C11orf65: variants seen among roughly 807,000 people sequenced by gnomAD.
C11orf65 encodes protein MFI.
In C11orf65, 38 loss-of-function variants were observed where a neutral mutation model predicts 35.3. That is an observed-to-expected ratio of 1.08 (90% CI 0.83 to 1.41). The LOEUF (loss-of-function observed/expected upper bound fraction) is 1.41, where lower values mean the gene tolerates loss of function less well. C11orf65 is among the 40% of genes most tolerant of loss of function. The probability of loss-of-function intolerance (pLI) is 0.00; values close to 1 mark genes in which losing one functional copy is unlikely to be tolerated. For missense variants in C11orf65, 370 were observed against 367.1 expected (o/e 1.01, Z -0.06); for synonymous variants, 105 against 114.4 (o/e 0.92, Z 0.53).
At chr11:108,347,506 A>G (rs965018949) in intron 2 of C11orf65, 25 of 702,926 alleles carry the variant, frequency 3.6e-5, no homozygotes, top group African/African-American at 2.9e-4. Flanking sequence ...TTTTCAGCAT[A>G]AACAGTTGTC....
At chr11:108,354,058 TACACACACACAA>T (rs1434149436) in intron 2 of C11orf65, among the ~76,000 whole-genome samples, 84 of 67,052 alleles carry the variant, frequency 1.3e-3, no homozygotes, top group Middle Eastern at 9.8e-3. Context: ...TCTAAAAAAA[TACACACACACAA>T]ACACACACAC....
At chr11:108,419,109 A>G (rs1464209257) in intron 3 of C11orf65, among the ~76,000 whole-genome samples, 1 of 152,216 alleles carries the variant, frequency 6.6e-6, no homozygotes, top group Non-Finnish European at 1.5e-5. Flanking sequence ...AAATAAACAG[A>G]GTAGAAACAT....
rs2091895940 is a variant in C11orf65 at position 108,382,969 on chromosome 11, C to G, written c.*52G>C. On this transcript the variant is annotated 3_prime_UTR_variant, in exon 9 of 9. Coordinates refer to ENST00000393084, the MANE Select transcript of C11orf65 (RefSeq NM_152587.5). ...AGAATACACTATCTCTTGGCTATAACTGATGGATGGAAGGCTCAAAGGGCT... is the reference window on the plus strand; with the variant it reads ...AGAATACACTATCTCTTGGCTATAAGTGATGGATGGAAGGCTCAAAGGGCT... The G allele has an allele frequency of 1.9e-6, 3 of 1,602,186 alleles. No individual in the cohort carries two copies. The highest frequency in any genetic ancestry group is 2.3e-5 in the South Asian group (2 of 88,500).
chr11:108,331,792 A>AT, intron 3 of C11orf65: 1 of 1,480,070 alleles, frequency 6.8e-7, no homozygotes, highest in Non-Finnish European at 9.3e-7. Context: ...CTAGACAGTA[A>AT]TACACATTTT....
intron 7 of C11orf65, among the ~76,000 whole-genome samples, chr11:108,389,887 G>A (rs1269506795): frequency 6.6e-6 from 1 of 151,794 alleles, no homozygotes; most frequent in Non-Finnish European, 1.5e-5. Flanking sequence ...GTAGAGATGG[G>A]GTTTCACTGT....
chr11:108,346,158 CTTCT>C (rs2088362234), intron 2 of C11orf65, among the ~76,000 whole-genome samples: 1 of 151,990 alleles, frequency 6.6e-6, no homozygotes, highest in Admixed American at 6.6e-5. Context: ...ACAGGGTTTT[CTTCT>C]TTGTTTTATA....
rs764506673 is a variant in C11orf65 at position 108,325,294 on chromosome 11, A to G, written c.641-16223T>C. Reference sequence around the variant, plus strand: ...CATTTCTCTTGCTTACATGAACTCTATGTCGTGGCATTCAGATCAGTCACA... The same window carrying G: ...CATTTCTCTTGCTTACATGAACTCTGTGTCGTGGCATTCAGATCAGTCACA... On this transcript the variant is annotated intron_variant, in intron 6 of 6. Transcript: ENST00000525729. 2.3e-5 allele frequency: 28 copies of G among 1,200,542 alleles called. No individual in the cohort carries two copies. The highest frequency in any genetic ancestry group is 2.3e-4 in the Admixed American group (12 of 52,446). 74.4% of individuals were successfully genotyped at this position (1,200,542 alleles called of 1,614,324 possible).
chr11:108,408,731 A>T (rs1027974999), intron 3 of C11orf65, among the ~76,000 whole-genome samples: 5 of 38,334 alleles, frequency 1.3e-4, no homozygotes, highest in Non-Finnish European at 2.4e-4. Context: ...AATAAAATAA[A>T]ATGATATAAG....
chr11:108,396,055 T>C (rs2092302370), intron 6 of C11orf65, among the ~76,000 whole-genome samples: 1 of 152,164 alleles, frequency 6.6e-6, no homozygotes, highest in African/African-American at 2.4e-5. Context: ...AGTGAGAAGA[T>C]ACATCCTTGC....
intron 2 of C11orf65, among the ~76,000 whole-genome samples, chr11:108,357,360 G>C (rs1438868098): frequency 6.6e-6 from 1 of 152,174 alleles, no homozygotes; most frequent in African/African-American, 2.4e-5. Flanking sequence ...TGGCAGCGAG[G>C]CTGGGGGAGG....
At chr11:108,459,769 A>C (rs1055617769) in intron 2 of C11orf65, among the ~76,000 whole-genome samples, 8 of 137,650 alleles carry the variant, frequency 5.8e-5, no homozygotes, top group African/African-American at 1.9e-4. Context: ...ACACACACAC[A>C]CCTCTTTATT....
chr11:108,384,595 G>A (rs1338754444), intron 8 of C11orf65, among the ~76,000 whole-genome samples: 2 of 152,020 alleles, frequency 1.3e-5, no homozygotes, highest in Non-Finnish European at 1.5e-5. Flanking sequence ...GCAACATGGC[G>A]AAATCCCATC....
downstream of C11orf65, among the ~76,000 whole-genome samples, chr11:108,330,878 C>T (rs2086174390): frequency 6.6e-6 from 1 of 152,144 alleles, no homozygotes; most frequent in Admixed American, 6.5e-5. Context: ...AATGTCAAGA[C>T]AGCAGTATTG....
chr11:108,438,698 AGATAAACT>A (rs2093104662), intron 2 of C11orf65, among the ~76,000 whole-genome samples: 1 of 152,078 alleles, frequency 6.6e-6, no homozygotes, highest in African/African-American at 2.4e-5. Flanking sequence ...ATGAACAAAA[AGATAAACT>A]GGACTACATA....
chr11:108,397,854 T>C (rs952086004), intron 6 of C11orf65, among the ~76,000 whole-genome samples: 11 of 152,206 alleles, frequency 7.2e-5, no homozygotes, highest in Admixed American at 5.9e-4. Context: ...TGCTAATAAA[T>C]AGAACAGAGT....
intron 3 of C11orf65, among the ~76,000 whole-genome samples, chr11:108,427,632 G>A (rs1428852361): frequency 7.4e-6 from 1 of 134,410 alleles, no homozygotes; most frequent in Non-Finnish European, 1.5e-5. Context: ...TGAGGCAGGA[G>A]AATGGCGTGA....
chr11:108,335,183 C>T (rs781347980), intron 3 of C11orf65: 30 of 1,605,654 alleles, frequency 1.9e-5, no homozygotes, highest in Non-Finnish European at 2.5e-5. Context: ...TTTCTTTCTG[C>T]TTTATTTGGG....
chr11:108,448,367 T>C (rs948941235), intron 2 of C11orf65, among the ~76,000 whole-genome samples: 3 of 152,180 alleles, frequency 2.0e-5, no homozygotes, highest in Middle Eastern at 3.2e-3. Flanking sequence ...TTGATGAACA[T>C]TGATGCAAAA....
At chr11:108,434,169 C>T (rs1298239269) in intron 2 of C11orf65, among the ~76,000 whole-genome samples, 2 of 152,126 alleles carry the variant, frequency 1.3e-5, no homozygotes, top group African/African-American at 2.4e-5. Flanking sequence ...CACTGCTATC[C>T]TTGCACTATG....
Sources: allele counts gnomAD v4.1 joint callset (sites outside exome capture counted in the v4.1 genomes callset), GRCh38; gene constraint gnomAD v4.1.1; transcripts MANE v1.5; gene names NCBI Gene and HGNC (gene_info 2026-07-23, HGNC 2026-07-21).